MOV10L1: variants seen among roughly 807,000 people sequenced by gnomAD.
MOV10L1 encodes the protein Mov10 like RNA helicase 1.
MOV10L1 carries 110 observed loss-of-function variants against 143.8 expected under a neutral mutation model. That is an observed-to-expected ratio of 0.76 (90% CI 0.66 to 0.90). The LOEUF (loss-of-function observed/expected upper bound fraction) is 0.90. Ranked by LOEUF, MOV10L1 falls within the 40% of genes least tolerant of loss-of-function variation. MOV10L1 has a pLI of 0.00. For synonymous variants in MOV10L1, 593 were observed against 581.1 expected (o/e 1.02, Z -0.29); for missense variants, 1,406 against 1,526.8 (o/e 0.92, Z 1.32).
chr22:50,156,552 C>A (rs192595187), intron 22 of MOV10L1, among the ~76,000 whole-genome samples: 134 of 152,346 alleles, frequency 8.8e-4, no homozygotes, highest in African/African-American at 3.1e-3. Context: ...CTAGCAGCCA[C>A]CATTCTACTT....
intron 19 of MOV10L1, chr22:50,149,351 G>A (rs2063233467): frequency 6.7e-6 from 3 of 448,202 alleles, no homozygotes; most frequent in Non-Finnish European, 8.1e-6. Context: ...GTTGCCCATC[G>A]CTCCCACCCC....
At position 50,113,624 on chromosome 22, in the gene MOV10L1, G is replaced by A. The variant is rs199829468; in HGVS notation, c.744-24G>A. 35 of 1,610,304 alleles carry A rather than the reference G, an allele frequency of 2.2e-5. 1 individual carries two copies. In the East Asian group the frequency reaches 5.4e-4, roughly 25 times the overall value. Reference sequence around the variant, plus strand: ...AGGGGTGGTGCTGCTGCAGAGGGATGTCTTTCTGGGGCTCTTTTTTCAGAG... The same window carrying A: ...AGGGGTGGTGCTGCTGCAGAGGGATATCTTTCTGGGGCTCTTTTTTCAGAG... On this transcript the variant is annotated intron_variant, in intron 5 of 26. Coordinates refer to ENST00000262794, the MANE Select transcript of MOV10L1 (RefSeq NM_018995.3).
At position 50,128,459 on chromosome 22, in the gene MOV10L1, A is replaced by T; in HGVS notation, c.1862A>T (p.Glu621Val). Residue 621 changes from glutamate to valine, a missense_variant, in exon 13 of 27, where the codon GAA (glutamate) becomes GTA (valine). Physicochemically the swap from Glu to Val is moderately radical, Grantham distance 121. Coordinates refer to ENST00000262794, the MANE Select transcript of MOV10L1 (RefSeq NM_018995.3). ...DVTLKINPEFEQAYNFEPMDV... is the reference protein window; with the variant it reads ...DVTLKINPEFVQAYNFEPMDV... The stretch of plus-strand genomic sequence containing the variant: ...ACTCTTAAAATTAATCCAGAATTTG[A>T]ACAAGCCTATAACTTTGAACCTATG... 1.3e-6 allele frequency: 2 copies of T among 1,562,128 alleles called. No individual in the cohort carries two copies. The highest frequency in any genetic ancestry group is 1.8e-6 in the Non-Finnish European group (2 of 1,136,412).
intron 15 of MOV10L1, 118 bp downstream of exon 15, chr22:50,134,748 G>A (rs2062775620): frequency 2.4e-6 from 2 of 834,382 alleles, no homozygotes; most frequent in South Asian, 3.3e-5. Flanking sequence ...GCTCAGCGAT[G>A]TAACTGTCTA....
At chr22:50,151,420 C>G (rs1426216647) in intron 21 of MOV10L1, among the ~76,000 whole-genome samples, 1 of 152,236 alleles carries the variant, frequency 6.6e-6, no homozygotes, top group South Asian at 2.1e-4. Context: ...CATCTGATTC[C>G]CATTGCCAGT....
intron 7 of MOV10L1, 79 bp downstream of exon 7, chr22:50,114,701 G>T: frequency 1.3e-6 from 2 of 1,563,034 alleles, no homozygotes; most frequent in Admixed American, 3.6e-5. Flanking sequence ...GACAGAGGGC[G>T]GGCAGCAGGG....
At chr22:50,149,558 G>A in intron 19 of MOV10L1, 57 bp from the exon 20 acceptor site, 50 of 1,550,854 alleles carry the variant, frequency 3.2e-5, no homozygotes, top group Non-Finnish European at 4.2e-5. Context: ...TGTGTCAGAG[G>A]CATCAATTGC....
At chr22:50,121,914 G>A (rs923412343) in intron 10 of MOV10L1, among the ~76,000 whole-genome samples, 3 of 152,286 alleles carry the variant, frequency 2.0e-5, no homozygotes, top group East Asian at 3.9e-4. Flanking sequence ...TCTTTTATAC[G>A]AATTTTAAGA....
chr22:50,112,052 T>C (rs895048327), intron 5 of MOV10L1, among the ~76,000 whole-genome samples: 2 of 152,178 alleles, frequency 1.3e-5, no homozygotes, highest in Non-Finnish European at 2.9e-5. Flanking sequence ...GAGGGTGGAC[T>C]TGGGGCTGTG....
intron 10 of MOV10L1, among the ~76,000 whole-genome samples, chr22:50,121,512 G>A (rs893271041): frequency 2.6e-5 from 4 of 152,272 alleles, no homozygotes; most frequent in Middle Eastern, 3.4e-3. Context: ...GGCAGTGCTG[G>A]GTTCTTAGGA....
Position 50,145,739 on chromosome 22 carries a change from G to A in MOV10L1, c.2556G>A (p.Trp852Ter). Residue 852 changes from tryptophan (W) to a stop codon, truncating the protein, a stop_gained, in exon 19 of 27, where the codon TGG becomes TGA. Transcript: ENST00000262794. LOFTEE classifies it high-confidence loss of function. The stretch of plus-strand genomic sequence containing the variant: ...ATTGCAGAGACGGAGAAGACATCTG[G>A]AAAGCCTCACGCTTCCGGATAATCA... ...KPYCRDGEDIWKASRFRIIIT... is the reference protein window; with the variant it reads ...KPYCRDGEDI 6.2e-7 allele frequency: 1 copy of A among 1,614,180 alleles called. No individual in the cohort carries two copies.
chr22:50,156,119 C>CTTT (rs35419031), intron 22 of MOV10L1, among the ~76,000 whole-genome samples: 1 of 141,880 alleles, frequency 7.0e-6, no homozygotes, highest in Non-Finnish European at 1.6e-5. Flanking sequence ...ATGTTAAAAA[C>CTTT]TTTTTTTTTT....
chr22:50,112,047 T>G (rs902160256), intron 5 of MOV10L1, among the ~76,000 whole-genome samples: 14 of 152,056 alleles, frequency 9.2e-5, no homozygotes, highest in Admixed American at 2.0e-4. Flanking sequence ...AGCCGGAGGG[T>G]GGACTTGGGG....
rs1277562930 is a variant in MOV10L1 at position 50,152,241 on chromosome 22, G to A, written c.2893-804G>A. 6.6e-6 allele frequency among the ~76,000 whole-genome samples: 1 copy of A among 152,232 alleles called. No homozygotes were observed. The highest frequency in any genetic ancestry group is 1.9e-4 in the East Asian group (1 of 5,206). On this transcript the variant is annotated intron_variant, in intron 21 of 26. Coordinates refer to ENST00000262794, the MANE Select transcript of MOV10L1 (RefSeq NM_018995.3). This position sits in a 1 kb window ranked among gnomAD's most constrained non-coding sequence, Gnocchi z 4.4. ...TTGTTCTCCCCAGCAGTGTCTCCCC[G>A]AGGGACAGTCAGTGACAGGAGGGCA...
In MOV10L1 at chr22:50,111,634, G is replaced by T. The variant is rs1231068137; in HGVS notation, c.744-2014G>T. On this transcript the variant is annotated intron_variant, in intron 5 of 26. Transcript: ENST00000262794. The stretch of plus-strand genomic sequence containing the variant: ...TTCACCCACCTCAGCCTCCTGAGTA[G>T]CTGGGACTATAGGCACCTGCCACCA... Among the ~76,000 whole-genome samples, 11 of 151,704 alleles carry T rather than the reference G, an allele frequency of 7.3e-5. No homozygotes were observed. In the South Asian group the frequency reaches 2.1e-3, roughly 29 times the overall value.
intron 3 of MOV10L1, 62 bp from the exon 4 acceptor site, chr22:50,108,074 C>T: frequency 2.8e-6 from 4 of 1,439,478 alleles, no homozygotes; most frequent in Non-Finnish European, 3.9e-6. Flanking sequence ...TTCAGTGCAC[C>T]ATGACCTCAG....
intron 1 of MOV10L1, 61 bp downstream of exon 1, chr22:50,090,246 A>C (rs1472500812): frequency 1.8e-5 from 25 of 1,405,638 alleles, no homozygotes; most frequent in Non-Finnish European, 9.3e-7. Flanking sequence ...GCCACGAGGG[A>C]GCCGCGCCCA....
intron 15 of MOV10L1, among the ~76,000 whole-genome samples, chr22:50,139,862 G>A (rs964486034): frequency 6.6e-6 from 1 of 152,212 alleles, no homozygotes; most frequent in South Asian, 2.1e-4. Flanking sequence ...GGCCATCTGC[G>A]CGTTGGTGAG....
intron 9 of MOV10L1, among the ~76,000 whole-genome samples, chr22:50,120,258 G>A (rs756759646): frequency 5.9e-5 from 9 of 152,124 alleles, no homozygotes; most frequent in Admixed American, 1.3e-4. Context: ...CCCACAGCCT[G>A]TGCAGCTACA....
Sources: allele counts gnomAD v4.1 joint callset (sites outside exome capture counted in the v4.1 genomes callset), GRCh38; gene constraint gnomAD v4.1.1; non-coding constraint Gnocchi (gnomAD v3.1); transcripts MANE v1.5; gene names NCBI Gene and HGNC (gene_info 2026-07-23, HGNC 2026-07-21).